The following BCAS4 variants were observed in gnomAD, a reference collection of about 807,000 sequenced individuals.
The protein encoded by BCAS4 is breast carcinoma amplified sequence 4.
In BCAS4, 9 loss-of-function variants were observed where a neutral mutation model predicts 15.7. That is an observed-to-expected ratio of 0.57 (90% CI 0.34 to 1.00). BCAS4 has a LOEUF of 1.00. Ranked by LOEUF, BCAS4 falls within the 50% of genes least tolerant of loss-of-function variation. The probability of loss-of-function intolerance (pLI) is 0.02; values close to 1 mark genes in which losing one functional copy is unlikely to be tolerated. For synonymous variants in BCAS4, 101 were observed against 99.5 expected, an observed-to-expected ratio of 1.02 and a Z score of -0.09; for missense variants, 225 against 239.1, an observed-to-expected ratio of 0.94 and a Z score of 0.39.
At chr20:50,853,538 C>T (rs370601520) in intron 4 of BCAS4, among the ~76,000 whole-genome samples, 40 of 152,182 alleles carry the variant, frequency 2.6e-4, no homozygotes, top group Middle Eastern at 3.4e-3. Flanking sequence ...AAACCCCATT[C>T]GCCCTTAAGA....
chr20:50,837,075 T>G (rs1318793393), intron 3 of BCAS4, among the ~76,000 whole-genome samples: 3 of 152,140 alleles, frequency 2.0e-5, no homozygotes, highest in Admixed American at 2.0e-4. Context: ...ACATAAGAAC[T>G]CACTTCAACT....
At chr20:50,831,488 T>C (rs1311101570) in intron 3 of BCAS4, among the ~76,000 whole-genome samples, 1 of 152,084 alleles carries the variant, frequency 6.6e-6, no homozygotes, top group African/African-American at 2.4e-5. Flanking sequence ...TCTTCCACAG[T>C]CCCCACCATG....
chr20:50,869,710 A>G (rs1052265127), intron 4 of BCAS4, among the ~76,000 whole-genome samples: 1 of 139,502 alleles, frequency 7.2e-6, no homozygotes, highest in African/African-American at 2.7e-5. Context: ...GAGGCAAACT[A>G]TGGTCTAGGG....
chr20:50,839,611 T>C (rs2088452298), intron 3 of BCAS4, among the ~76,000 whole-genome samples: 1 of 152,232 alleles, frequency 6.6e-6, no homozygotes, highest in Admixed American at 6.5e-5. Context: ...CAAGTAATTC[T>C]CGTACCTTAG....
chr20:50,806,862 C>CTT (rs34670373), intron 1 of BCAS4, among the ~76,000 whole-genome samples: 51 of 83,378 alleles, frequency 6.1e-4, no homozygotes, highest in Non-Finnish European at 7.9e-4. Flanking sequence ...TCCATTTATA[C>CTT]TTTTTTTTTT....
chr20:50,877,163 G>A lies in BCAS4; in HGVS notation c.*555G>A, dbSNP rs889531068. On this transcript the variant is annotated 3_prime_UTR_variant, in exon 5 of 5. Transcript: ENST00000371608. ...CAGCCTTGAGGATCCTTCCAATAAA[G>A]GTGTCAAGAGCTCAGCCCTGGTCTG... 1 of 152,816 alleles carries A rather than the reference G, an allele frequency of 6.5e-6. No individual in the cohort carries two copies. Among genetic ancestry groups the A allele is most frequent in the African/African-American group, 2.4e-5 (1 of 41,454 alleles). 9.5% of individuals were successfully genotyped at this position (152,816 alleles called of 1,614,324 possible).
chr20:50,873,758 C>T (rs1158951542), intron 4 of BCAS4, among the ~76,000 whole-genome samples: 6 of 152,116 alleles, frequency 3.9e-5, no homozygotes, highest in Non-Finnish European at 8.8e-5. Context: ...CCTTGTCTCC[C>T]GAGTCATCCC....
intron 4 of BCAS4, among the ~76,000 whole-genome samples, chr20:50,863,248 CTTTTTTTTTTTTTT>C (rs1054175958): frequency 2.3e-5 from 2 of 86,096 alleles, no homozygotes; most frequent in East Asian, 3.3e-4. Flanking sequence ...CTAACTGGTG[CTTTTTTTTTTTTTT>C]TTTTTTTTTT....
rs147669608 is a variant in BCAS4 at position 50,824,167 on chromosome 20, G to T, written c.162+5885G>T. 4.0e-3 allele frequency among the ~76,000 whole-genome samples: 611 copies of T among 152,318 alleles called. 1 individual carries two copies. Among genetic ancestry groups the T allele is most frequent in the Admixed American group, 9.7e-3 (148 of 15,302 alleles). On this transcript the variant is annotated intron_variant, in intron 2 of 4. Coordinates refer to ENST00000371608, the MANE Select transcript of BCAS4 (RefSeq NM_198799.4). ...CAGCTCAGTGCCCTCTGGGGTTTGG[G>T]TAGCTTGTCCAGTCCCTCTGAAACT... is the stretch of plus-strand genomic sequence containing the variant.
intron 1 of BCAS4, among the ~76,000 whole-genome samples, chr20:50,809,398 G>C (rs552741155): frequency 1.3e-5 from 2 of 152,104 alleles, no homozygotes; most frequent in African/African-American, 4.8e-5. Context: ...TAGTAGAGAC[G>C]TGGTTTCACC....
intron 1 of BCAS4, among the ~76,000 whole-genome samples, chr20:50,804,410 CAGTT>C (rs1431337534): frequency 6.6e-6 from 1 of 152,186 alleles, no homozygotes. Context: ...TTATTTTCAG[CAGTT>C]AGACAGAATT....
chr20:50,844,025 TC>T (rs983120788), intron 4 of BCAS4, among the ~76,000 whole-genome samples: 1 of 152,016 alleles, frequency 6.6e-6, no homozygotes, highest in Non-Finnish European at 1.5e-5. Flanking sequence ...ATCCCTGTGG[TC>T]TCAGTTACTC....
At chr20:50,821,189 A>T (rs1338462455) in intron 2 of BCAS4, among the ~76,000 whole-genome samples, 1 of 152,126 alleles carries the variant, frequency 6.6e-6, no homozygotes, top group African/African-American at 2.4e-5. Flanking sequence ...TGTTCTTTTG[A>T]CCCTACTGAA....
At chr20:50,820,384 G>C (rs1346932083) in intron 2 of BCAS4, among the ~76,000 whole-genome samples, 1 of 152,186 alleles carries the variant, frequency 6.6e-6, no homozygotes, top group Non-Finnish European at 1.5e-5. Context: ...ATAACAGGTG[G>C]TGATGAATCT....
downstream of BCAS4, chr20:50,879,334 T>C (rs954040058): frequency 2.0e-5 from 3 of 152,112 alleles, no homozygotes; most frequent in Admixed American, 6.6e-5. Flanking sequence ...CTGGCCAACA[T>C]AGTGAAACCT....
At chr20:50,823,820 C>A (rs560909550) in intron 2 of BCAS4, among the ~76,000 whole-genome samples, 1 of 151,784 alleles carries the variant, frequency 6.6e-6, no homozygotes, top group Non-Finnish European at 1.5e-5. Flanking sequence ...CTACAGGAGG[C>A]CTTATGGGGT....
chr20:50,857,207 C>G (rs1600893514), intron 4 of BCAS4, among the ~76,000 whole-genome samples: 1 of 152,320 alleles, frequency 6.6e-6, no homozygotes, highest in Non-Finnish European at 1.5e-5. Context: ...TCTCAGCTCA[C>G]CGCAACCTGG....
At chr20:50,833,665 T>G (rs1004902449) in intron 3 of BCAS4, among the ~76,000 whole-genome samples, 2 of 152,242 alleles carry the variant, frequency 1.3e-5, no homozygotes, top group African/African-American at 4.8e-5. Context: ...CAGAAAATTC[T>G]GAGCCTCATT....
intron 1 of BCAS4, among the ~76,000 whole-genome samples, chr20:50,813,144 G>C (rs2088092619): frequency 6.6e-6 from 1 of 152,140 alleles, no homozygotes; most frequent in African/African-American, 2.4e-5. Flanking sequence ...CGGGTATATT[G>C]CTTGGCCATA....
Sources: allele counts gnomAD v4.1 joint callset (sites outside exome capture counted in the v4.1 genomes callset), GRCh38; gene constraint gnomAD v4.1.1; transcripts MANE v1.5; gene names NCBI Gene and HGNC (gene_info 2026-07-23, HGNC 2026-07-21).